The following ATP8A2 variants were observed in gnomAD, a reference collection of about 807,000 sequenced individuals.
ATP8A2 encodes the protein ATPase phospholipid transporting 8A2, also known as phospholipid-transporting ATPase IB.
A neutral mutation model predicts 165.6 loss-of-function variants in ATP8A2; 100 were observed. That is an observed-to-expected ratio of 0.60 (90% confidence interval 0.51 to 0.71). The LOEUF (loss-of-function observed/expected upper bound fraction) is 0.71. Ranked by LOEUF, ATP8A2 falls within the 30% of genes least tolerant of loss-of-function variation. The probability of loss-of-function intolerance (pLI) is 0.00; values close to 1 mark genes in which losing one functional copy is unlikely to be tolerated. For synonymous variants in ATP8A2, 543 were observed against 548.8 expected, an observed-to-expected ratio of 0.99 and a Z score of 0.15; for missense variants, 1,227 against 1,479.5, an observed-to-expected ratio of 0.83 and a Z score of 2.80.
intron 24 of ATP8A2, among the ~76,000 whole-genome samples, chr13:25,612,636 A>G (rs1366057538): frequency 1.3e-5 from 2 of 152,150 alleles, no homozygotes; most frequent in African/African-American, 4.8e-5. Flanking sequence ...TGTTTTGTAA[A>G]TAAGTGTTAA....
chr13:26,012,354 C>A (rs552317603), intron 35 of ATP8A2, among the ~76,000 whole-genome samples, 177 bp from the exon 36 acceptor site: 1 of 152,218 alleles, frequency 6.6e-6, no homozygotes, highest in African/African-American at 2.4e-5. Flanking sequence ...CAACAGGGAG[C>A]CAGCATTGAG....
Position 25,579,756 on chromosome 13 carries a change from C to G in ATP8A2, c.1868-52C>G. The G allele has an allele frequency of 1.2e-6, 2 of 1,603,094 alleles. 1 individual carries two copies. Among genetic ancestry groups the G allele is most frequent in the South Asian group, 2.2e-5 (2 of 90,532 alleles). ...TGGAAAAGGGAGCACAGGCTGTCCC[C>G]TAGGAGGTCACGCGTTCTGCCTGCC... On this transcript the variant is annotated intron_variant, in intron 21 of 36. Coordinates refer to ENST00000381655, the MANE Select transcript of ATP8A2 (RefSeq NM_016529.6).
intron 25 of ATP8A2, among the ~76,000 whole-genome samples, chr13:25,742,359 A>G (rs2043932540): frequency 6.6e-6 from 1 of 151,914 alleles, no homozygotes; most frequent in Admixed American, 6.6e-5. Flanking sequence ...GGCATATGAG[A>G]TAATATACAT....
At chr13:25,827,541 A>G (rs889993551) in intron 27 of ATP8A2, among the ~76,000 whole-genome samples, 3 of 152,234 alleles carry the variant, frequency 2.0e-5, no homozygotes, top group Non-Finnish European at 4.4e-5. Flanking sequence ...ATAACAGCCC[A>G]CATTTTATCT....
intron 8 of ATP8A2, 56 bp downstream of exon 8, chr13:25,540,444 T>G: frequency 8.4e-7 from 1 of 1,196,084 alleles, no homozygotes; most frequent in Non-Finnish European, 1.2e-6. Flanking sequence ...GCAAATGTGG[T>G]CCCCACATAT....
intron 24 of ATP8A2, among the ~76,000 whole-genome samples, chr13:25,628,954 C>A (rs2041170798): frequency 1.3e-5 from 2 of 152,136 alleles, no homozygotes; most frequent in South Asian, 2.1e-4. Context: ...CATCACATCA[C>A]CAGCATCCTA....
At chr13:25,566,430 C>T (rs73170576) in intron 16 of ATP8A2, among the ~76,000 whole-genome samples, 8,711 of 152,060 alleles carry the variant, frequency 0.057, 372 homozygotes, top group Non-Finnish European at 0.078. Context: ...TTTGAGCACT[C>T]GAGAGGAAAG....
At chr13:25,645,310 C>A (rs569105202) in intron 24 of ATP8A2, among the ~76,000 whole-genome samples, 34 of 152,294 alleles carry the variant, frequency 2.2e-4, no homozygotes, top group African/African-American at 7.9e-4. Context: ...GAAAGACTGG[C>A]CCCTGTGATT....
intron 24 of ATP8A2, among the ~76,000 whole-genome samples, chr13:25,632,475 C>T (rs1415696160): frequency 1.3e-5 from 2 of 152,200 alleles, no homozygotes; most frequent in African/African-American, 4.8e-5. Context: ...ATGCGAAAGA[C>T]ATCACTCTTG....
intron 2 of ATP8A2, among the ~76,000 whole-genome samples, chr13:25,503,536 C>T (rs1204627795): frequency 2.0e-5 from 3 of 152,086 alleles, no homozygotes; most frequent in African/African-American, 7.2e-5. Flanking sequence ...AGAACTCAGC[C>T]TCCATTTGCA....
At chr13:25,658,913 C>T (rs73171914) in intron 24 of ATP8A2, among the ~76,000 whole-genome samples, 11,475 of 152,226 alleles carry the variant, frequency 0.075, 536 homozygotes, top group Non-Finnish European at 0.11. Flanking sequence ...CTGTAGTCTG[C>T]TCCTGGTGAG....
chr13:25,673,676 AC>A (rs2042312666), intron 24 of ATP8A2, among the ~76,000 whole-genome samples: 1 of 152,064 alleles, frequency 6.6e-6, no homozygotes, highest in Non-Finnish European at 1.5e-5. Flanking sequence ...CATATATCCC[AC>A]CCAAACAGCT....
chr13:25,648,600 G>T (rs2041735436), intron 24 of ATP8A2, among the ~76,000 whole-genome samples: 1 of 152,110 alleles, frequency 6.6e-6, no homozygotes, highest in Non-Finnish European at 1.5e-5. Context: ...GGAGGCAGAG[G>T]TTGCAGTGAG....
Position 25,528,941 on chromosome 13 carries a change from A to AT in ATP8A2, c.222-1057dup, listed in dbSNP as rs534768246. ...TGCTGCACCCATTAACTCATCATTT[A>AT]TATTAGGTGTATCTCCTAATGCTAT... On this transcript the variant is annotated intron_variant, in intron 2 of 36. Transcript: ENST00000381655. Among the ~76,000 whole-genome samples, 154 of 152,064 alleles carry AT rather than the reference A, an allele frequency of 1.0e-3. 2 individuals are homozygous for AT. The highest frequency in any genetic ancestry group is 3.5e-3 in the African/African-American group (147 of 41,466).
At chr13:25,967,381 A>G (rs1955802688) in intron 34 of ATP8A2, among the ~76,000 whole-genome samples, 1 of 152,158 alleles carries the variant, frequency 6.6e-6, no homozygotes, top group South Asian at 2.1e-4. Flanking sequence ...ATACTCCATT[A>G]TAGATTAACT....
intron 25 of ATP8A2, among the ~76,000 whole-genome samples, chr13:25,738,267 C>T (rs926005199): frequency 5.3e-5 from 8 of 152,016 alleles, no homozygotes; most frequent in African/African-American, 1.2e-4. Flanking sequence ...AATTCTGGAA[C>T]GCAGGTATGA....
At chr13:25,523,736 G>T (rs1463477182) in intron 2 of ATP8A2, among the ~76,000 whole-genome samples, 2 of 151,880 alleles carry the variant, frequency 1.3e-5, no homozygotes, top group East Asian at 3.8e-4. Flanking sequence ...TCCATTTCTG[G>T]TTTTATTTGA....
chr13:25,426,635 G>A (rs1018780937), intron 1 of ATP8A2, among the ~76,000 whole-genome samples: 3 of 152,152 alleles, frequency 2.0e-5, no homozygotes, highest in Admixed American at 1.3e-4. Context: ...AATGCCAACT[G>A]TGGACTTTAG....
rs1262743679 is a variant in ATP8A2, at chr13:25,661,259, C to CA, written c.2212-37908dup. On this transcript the variant is annotated intron_variant, in intron 24 of 36. Coordinates refer to ENST00000381655, the MANE Select transcript of ATP8A2 (RefSeq NM_016529.6). ...ATCTGTTCTACTACTCTTCCACACC[C>CA]AAAAAACCTGCCACTGCCGAGGCTA... Among the ~76,000 whole-genome samples, 79 of 152,256 alleles carry CA rather than the reference C, an allele frequency of 5.2e-4. No homozygotes were observed. In the South Asian group the frequency reaches 0.015, roughly 28 times the overall value.
Sources: gnomAD v4.1 joint callset for allele counts (sites outside exome capture counted in the v4.1 genomes callset) on GRCh38, gnomAD v4.1.1 for gene constraint, MANE v1.5 for transcripts, NCBI Gene and HGNC (gene_info 2026-07-23, HGNC 2026-07-21) for gene names.